Variants in PLCH1 observed in about 807,000 individuals in gnomAD.
The protein encoded by PLCH1 is 1-phosphatidylinositol 4,5-bisphosphate phosphodiesterase eta-1.
In PLCH1, 60 loss-of-function variants were observed where a neutral mutation model predicts 126.7. The ratio of observed to expected loss-of-function variants is 0.47; its 90% CI spans 0.38 to 0.59. PLCH1 has a LOEUF of 0.59. Among genes scored for constraint, PLCH1 ranks in the 20% least tolerant of loss-of-function variants. PLCH1 has a pLI of 0.00. For missense variants in PLCH1, 1,723 were observed against 2,040.0 expected, an observed-to-expected ratio of 0.84 and a Z score of 2.99; for synonymous variants, 719 against 734.9, an observed-to-expected ratio of 0.98 and a Z score of 0.35.
intron 2 of PLCH1, among the ~76,000 whole-genome samples, chr3:155,702,843 A>G (rs1457526657): frequency 6.6e-6 from 1 of 152,188 alleles, no homozygotes; most frequent in East Asian, 1.9e-4. Flanking sequence ...CAAACACTGC[A>G]TGAGAGATAA....
chr3:155,511,961 C>G (rs1046346882), intron 12 of PLCH1, among the ~76,000 whole-genome samples: 8 of 152,104 alleles, frequency 5.3e-5, no homozygotes, highest in Non-Finnish European at 7.4e-5. Flanking sequence ...CTCATTGCCG[C>G]CTTGCAGTTT....
intron 2 of PLCH1, among the ~76,000 whole-genome samples, chr3:155,669,205 G>C (rs543698817): frequency 5.3e-5 from 8 of 150,642 alleles, no homozygotes; most frequent in Non-Finnish European, 1.2e-4. Flanking sequence ...GTAGTAATGA[G>C]AGAATATGAA....
chr3:155,535,757 C>T (rs1576938753), intron 10 of PLCH1, among the ~76,000 whole-genome samples: 1 of 152,294 alleles, frequency 6.6e-6, no homozygotes, highest in Non-Finnish European at 1.5e-5. Context: ...TGCCCATTGG[C>T]TGAGAAACCC....
chr3:155,519,290 T>C (rs1300480563), intron 11 of PLCH1, among the ~76,000 whole-genome samples: 4 of 152,186 alleles, frequency 2.6e-5, no homozygotes, highest in African/African-American at 9.7e-5. Context: ...GAAAGGACGC[T>C]GCAGCTGGGG....
intron 4 of PLCH1, among the ~76,000 whole-genome samples, chr3:155,590,080 C>T (rs1447970353): frequency 6.6e-6 from 1 of 152,208 alleles, no homozygotes; most frequent in Non-Finnish European, 1.5e-5. Context: ...ATGGCCATCA[C>T]TCAGCATGGC....
At chr3:155,542,548 C>G (rs532289) in intron 10 of PLCH1, among the ~76,000 whole-genome samples, 1 of 151,500 alleles carries the variant, frequency 6.6e-6, no homozygotes, top group Non-Finnish European at 1.5e-5. Flanking sequence ...TCTCCCAGCA[C>G]GCAGCTGGAG....
At chr3:155,604,842 G>T (rs1222715889) in intron 2 of PLCH1, among the ~76,000 whole-genome samples, 1 of 152,162 alleles carries the variant, frequency 6.6e-6, no homozygotes, top group South Asian at 2.1e-4. Flanking sequence ...GTGCAAACTG[G>T]TTAAGAGAAT....
At chr3:155,546,623 G>A (rs529455548) in intron 10 of PLCH1, among the ~76,000 whole-genome samples, 5 of 152,100 alleles carry the variant, frequency 3.3e-5, no homozygotes, top group South Asian at 2.1e-4. Flanking sequence ...GCATCACGCT[G>A]CCTGACTTCA....
intron 1 of PLCH1, among the ~76,000 whole-genome samples, chr3:155,729,832 G>A (rs1209907122): frequency 1.3e-5 from 2 of 151,104 alleles, no homozygotes; most frequent in Non-Finnish European, 2.9e-5. Context: ...GATGGAGTGG[G>A]AGGATCACTT....
At chr3:155,612,111 G>A (rs188316478) in intron 2 of PLCH1, among the ~76,000 whole-genome samples, 1 of 152,140 alleles carries the variant, frequency 6.6e-6, no homozygotes, top group Admixed American at 6.6e-5. Context: ...GAGGTCAAGA[G>A]TTCATGAACA....
intron 2 of PLCH1, among the ~76,000 whole-genome samples, chr3:155,611,584 C>G (rs1735100207): frequency 6.6e-6 from 1 of 152,080 alleles, no homozygotes; most frequent in South Asian, 2.1e-4. Flanking sequence ...GGACTTCAAT[C>G]CTCCACTGAC....
At chr3:155,572,959 G>T (rs1729427713) in intron 6 of PLCH1, among the ~76,000 whole-genome samples, 1 of 151,788 alleles carries the variant, frequency 6.6e-6, no homozygotes, top group Non-Finnish European at 1.5e-5. Context: ...TGTTGCCCAG[G>T]CTGGTCTCGA....
At chr3:155,581,749 C>CTTTTTTTTTTTTTTTTTTTTGTT in intron 6 of PLCH1, among the ~76,000 whole-genome samples, 1 of 141,522 alleles carries the variant, frequency 7.1e-6, no homozygotes, top group Non-Finnish European at 1.5e-5. Flanking sequence ...CTCTTTTTTC[C>CTTTTTTTTTTTTTTTTTTTTGTT]TTTTTTTTTT....
chr3:155,492,779 C>T lies in PLCH1; in HGVS notation c.2257G>A (p.Gly753Arg). The change falls in exon 18 of 23, where the codon GGA (glycine) becomes AGA (arginine). Residue 753 changes from glycine to arginine, a missense_variant. By Grantham distance (125) the Gly-to-Arg change is moderately radical (BLOSUM62 -2). Coordinates refer to ENST00000460012, the MANE Select transcript of PLCH1 (RefSeq NM_014996.4). Reference sequence around the variant, plus strand: ...TCTGGAGGTTTGGGGAGTTGCTGTCCACTGATAACTTTCAGGATGAGCTGC... The same window carrying T: ...TCTGGAGGTTTGGGGAGTTGCTGTCTACTGATAACTTTCAGGATGAGCTGC... The part of the protein sequence containing the change: ...KKQLILKVIS[G>R]QQLPKPPDSM... The T allele has an allele frequency of 6.2e-7, 1 of 1,606,264 alleles. No homozygotes were observed. The highest frequency in any genetic ancestry group is 8.5e-7 in the Non-Finnish European group (1 of 1,176,740).
At chr3:155,506,079 T>C (rs140046012) in intron 12 of PLCH1, among the ~76,000 whole-genome samples, 12 of 152,108 alleles carry the variant, frequency 7.9e-5, no homozygotes, top group Non-Finnish European at 1.8e-4. Flanking sequence ...AGGTATATGG[T>C]CACCCTATTT....
At chr3:155,634,739 A>G (rs1738518302) in intron 2 of PLCH1, among the ~76,000 whole-genome samples, 1 of 152,240 alleles carries the variant, frequency 6.6e-6, no homozygotes, top group Non-Finnish European at 1.5e-5. Context: ...ACCAAGCCTC[A>G]TGCCAGAAAG....
At chr3:155,668,948 T>C (rs2108973687) in intron 2 of PLCH1, among the ~76,000 whole-genome samples, 1 of 152,278 alleles carries the variant, frequency 6.6e-6, no homozygotes, top group East Asian at 1.9e-4. Flanking sequence ...GCTTCATTCT[T>C]CATCCATTGT....
At chr3:155,660,787 C>T (rs1460837359) in intron 2 of PLCH1, among the ~76,000 whole-genome samples, 2 of 152,026 alleles carry the variant, frequency 1.3e-5, no homozygotes, top group African/African-American at 4.8e-5. Context: ...AAGAAAAATC[C>T]CTTGTTGAAA....
At chr3:155,650,624 T>C (rs1385064660) in intron 2 of PLCH1, among the ~76,000 whole-genome samples, 1 of 152,196 alleles carries the variant, frequency 6.6e-6, no homozygotes, top group Admixed American at 6.5e-5. Context: ...ATTCATAACA[T>C]ATGTGACGCA....
Sources: allele counts gnomAD v4.1 joint callset (sites outside exome capture counted in the v4.1 genomes callset), GRCh38; gene constraint gnomAD v4.1.1; transcripts MANE v1.5; gene names NCBI Gene and HGNC (gene_info 2026-07-23, HGNC 2026-07-21).